The following ZFHX3 variants were observed in gnomAD, a reference collection of about 807,000 sequenced individuals.
ZFHX3 encodes the protein zinc finger homeobox 3.
In ZFHX3, 42 loss-of-function variants were observed where a neutral mutation model predicts 279.1. That is an observed-to-expected ratio of 0.15 (90% confidence interval 0.12 to 0.19). The LOEUF (loss-of-function observed/expected upper bound fraction) is 0.19, where lower values mean the gene tolerates loss of function less well. Among genes scored for constraint, ZFHX3 ranks in the 10% least tolerant of loss-of-function variants. The pLI, the probability that ZFHX3 is intolerant of heterozygous loss-of-function variation, is 1.00. For synonymous variants in ZFHX3, 2,293 were observed against 1,957.8 expected (o/e 1.17, Z -4.52); for missense variants, 4,981 against 4,754.0 (o/e 1.05, Z -1.40).
intron 1 of ZFHX3, among the ~76,000 whole-genome samples, chr16:73,799,296 G>T (rs1031530430): frequency 1.3e-5 from 2 of 152,200 alleles, no homozygotes; most frequent in African/African-American, 2.4e-5. Context: ...CTGAACATGG[G>T]AAGATGCTAT....
At chr16:73,203,890 G>A (rs1222678250) in intron 5 of ZFHX3, among the ~76,000 whole-genome samples, 1 of 152,196 alleles carries the variant, frequency 6.6e-6, no homozygotes, top group Admixed American at 6.5e-5. Context: ...GTGAGTTTCA[G>A]ACTGGTATAT....
intron 2 of ZFHX3, among the ~76,000 whole-genome samples, chr16:73,565,345 CTT>C (rs1201545136): frequency 2.0e-5 from 3 of 152,110 alleles, no homozygotes; most frequent in African/African-American, 7.2e-5. Flanking sequence ...CAATTTTACT[CTT>C]TAGTTTCACA....
chr16:72,959,081 A>G lies in ZFHX3; in HGVS notation c.1065T>C (p.Ala355=), dbSNP rs781427261. The G allele has an allele frequency of 6.8e-6, 11 of 1,614,222 alleles. No homozygotes were observed. The highest frequency in any genetic ancestry group is 9.3e-6 in the Non-Finnish European group (11 of 1,180,040). The change falls in exon 2 of 10, where the codon GCT becomes GCC. Residue 355 remains alanine, a synonymous_variant. Coordinates refer to ENST00000268489, the MANE Select transcript of ZFHX3 (RefSeq NM_006885.4). ...KNFQHPLVST[A]NLIGPGHSFY... ...AACTGTGTCCGGGGCCTATGAGGTT[A>G]GCTGTGGAAACTAAAGGGTGTTGAA... is the stretch of plus-strand genomic sequence containing the variant.
Position 73,762,810 on chromosome 16 carries a change from A to C in ZFHX3, c.-1607-82570T>G, listed in dbSNP as rs541937652. Among the ~76,000 whole-genome samples, 12 of 152,284 alleles carry C rather than the reference A, an allele frequency of 7.9e-5. No individual in the cohort carries two copies. In the South Asian group the frequency reaches 2.1e-3, roughly 26 times the overall value. On this transcript the variant is annotated intron_variant, in intron 1 of 17. Coordinates refer to the ZFHX3 transcript ENST00000641206. ...ATAGACACAGGGAGGGGAATGACACAGATTGGGGCCTGATGGAGTGGAGCA... is the reference window on the plus strand; with the variant it reads ...ATAGACACAGGGAGGGGAATGACACCGATTGGGGCCTGATGGAGTGGAGCA...
intron 9 of ZFHX3, among the ~76,000 whole-genome samples, chr16:72,792,849 G>A (rs572988520): frequency 3.3e-5 from 5 of 152,310 alleles, no homozygotes; most frequent in Admixed American, 2.6e-4. Flanking sequence ...AGTTTTCTTA[G>A]GGCATAATCC....
chr16:73,151,568 C>T (rs189969816), intron 5 of ZFHX3, among the ~76,000 whole-genome samples: 1 of 80,922 alleles, frequency 1.2e-5, no homozygotes, highest in East Asian at 2.5e-4. Context: ...GATACCTGCC[C>T]GGGCATAGGA....
At chr16:73,211,799 AGTGGT>A (rs2012027939) in intron 5 of ZFHX3, among the ~76,000 whole-genome samples, 1 of 151,604 alleles carries the variant, frequency 6.6e-6, no homozygotes, top group Non-Finnish European at 1.5e-5. Flanking sequence ...GCAGTGGTTG[AGTGGT>A]GTTTTGTGAA....
At chr16:73,220,266 G>T (rs1198136867) in intron 5 of ZFHX3, among the ~76,000 whole-genome samples, 4 of 151,992 alleles carry the variant, frequency 2.6e-5, no homozygotes, top group African/African-American at 9.7e-5. Flanking sequence ...CCTGGGTGAT[G>T]GGATCCATTG....
chr16:73,334,357 T>A (rs146128408), intron 3 of ZFHX3, among the ~76,000 whole-genome samples: 150 of 152,200 alleles, frequency 9.9e-4, no homozygotes, highest in African/African-American at 3.4e-3. Context: ...AGGAAGGGGA[T>A]GTCAAGGGCA....
intron 4 of ZFHX3, among the ~76,000 whole-genome samples, chr16:73,315,626 C>T (rs778110276): frequency 2.6e-5 from 4 of 151,842 alleles, no homozygotes; most frequent in African/African-American, 4.8e-5. Context: ...TTGAAACAGA[C>T]CCAAACAGAA....
At chr16:72,889,518 GAAAGA>G (rs1057189052) in intron 4 of ZFHX3, among the ~76,000 whole-genome samples, 15 of 148,942 alleles carry the variant, frequency 1.0e-4, no homozygotes, top group African/African-American at 1.5e-4. Context: ...AGAAGAAGAA[GAAAGA>G]AAAGAAAAGA....
intron 2 of ZFHX3, among the ~76,000 whole-genome samples, chr16:73,528,525 G>A (rs36022004): frequency 0.056 from 8,533 of 152,240 alleles, 274 homozygotes; most frequent in South Asian, 0.12. Context: ...AAATTAATGC[G>A]TGGACACTAA....
intron 1 of ZFHX3, among the ~76,000 whole-genome samples, chr16:73,705,166 T>G (rs1455945756): frequency 6.6e-6 from 1 of 152,238 alleles, no homozygotes; most frequent in Non-Finnish European, 1.5e-5. Flanking sequence ...GCTTTTAATA[T>G]AATTTAATTA....
chr16:73,089,587 A>G (rs906109279), intron 8 of ZFHX3, among the ~76,000 whole-genome samples: 1 of 152,204 alleles, frequency 6.6e-6, no homozygotes, highest in African/African-American at 2.4e-5. Context: ...TGACCACACT[A>G]TCCATTGACC....
chr16:73,004,143 C>G (rs1396096716), intron 1 of ZFHX3, among the ~76,000 whole-genome samples: 1 of 119,976 alleles, frequency 8.3e-6, no homozygotes. Flanking sequence ...ACAATAATAA[C>G]TACATAAAAA....
chr16:73,179,723 A>T (rs1186053023), intron 5 of ZFHX3, among the ~76,000 whole-genome samples: 1 of 152,120 alleles, frequency 6.6e-6, no homozygotes, highest in Non-Finnish European at 1.5e-5. Context: ...AGGGTCCTTT[A>T]TACGCATCTT....
At chr16:72,875,458 C>T (rs970205301) in intron 4 of ZFHX3, among the ~76,000 whole-genome samples, 2 of 152,042 alleles carry the variant, frequency 1.3e-5, no homozygotes, top group African/African-American at 4.8e-5. Flanking sequence ...TTTCATAAAA[C>T]ATGTGACTAT....
chr16:72,838,032 T>C (rs1458462708), intron 4 of ZFHX3, among the ~76,000 whole-genome samples: 1 of 152,160 alleles, frequency 6.6e-6, no homozygotes, highest in Admixed American at 6.5e-5. Flanking sequence ...GCTTGAAAGG[T>C]GGTGGAGAGC....
intron 2 of ZFHX3, among the ~76,000 whole-genome samples, chr16:73,563,442 A>G (rs2020405714): frequency 6.6e-6 from 1 of 152,010 alleles, no homozygotes; most frequent in Non-Finnish European, 1.5e-5. Context: ...TATTTTTAGC[A>G]GAGACGGGGT....
Sources: gnomAD v4.1 joint callset for allele counts (sites outside exome capture counted in the v4.1 genomes callset) on GRCh38, gnomAD v4.1.1 for gene constraint, MANE v1.5 for transcripts, NCBI Gene and HGNC (gene_info 2026-07-23, HGNC 2026-07-21) for gene names.